EPHA8: variants seen among roughly 807,000 people sequenced by gnomAD.
EPHA8 encodes the protein EPH receptor A8.
A neutral mutation model predicts 103.6 loss-of-function variants in EPHA8; 58 were observed. The ratio of observed to expected loss-of-function variants is 0.56; its 90% CI spans 0.45 to 0.70. The LOEUF (loss-of-function observed/expected upper bound fraction) is 0.70, where lower values mean the gene tolerates loss of function less well. EPHA8 is among the 30% of genes least tolerant of loss of function. The probability of loss-of-function intolerance (pLI) is 0.00; values close to 1 mark genes in which losing one functional copy is unlikely to be tolerated. For synonymous variants in EPHA8, 559 were observed against 572.5 expected (o/e 0.98, Z 0.34); for missense variants, 1,304 against 1,395.2 (o/e 0.93, Z 1.04).
At chr1:22,583,540 C>T (rs1382077750) in intron 3 of EPHA8, among the ~76,000 whole-genome samples, 1 of 152,172 alleles carries the variant, frequency 6.6e-6, no homozygotes, top group Non-Finnish European at 1.5e-5. Flanking sequence ...ATTCAGGCTC[C>T]CTGAGCCTCT....
At chr1:22,566,554 A>G (rs1640364458) in intron 1 of EPHA8, among the ~76,000 whole-genome samples, 1 of 152,182 alleles carries the variant, frequency 6.6e-6, no homozygotes, top group African/African-American at 2.4e-5. Context: ...TCAGATAAGG[A>G]AACTGAGGCA....
intron 1 of EPHA8, among the ~76,000 whole-genome samples, chr1:22,568,728 G>A (rs1640440802): frequency 6.6e-6 from 1 of 152,244 alleles, no homozygotes; most frequent in Non-Finnish European, 1.5e-5. Context: ...ACCGTGCTGG[G>A]GGAACAGGGT....
chr1:22,593,821 AG>A, intron 7 of EPHA8, 135 bp downstream of exon 7: 1 of 1,123,026 alleles, frequency 8.9e-7, no homozygotes, highest in Non-Finnish European at 1.2e-6. Flanking sequence ...TGCCCTACCA[AG>A]TGGGGTTGTC....
chr1:22,572,897 C>G (rs1640582583), intron 2 of EPHA8, among the ~76,000 whole-genome samples: 1 of 152,234 alleles, frequency 6.6e-6, no homozygotes, highest in Admixed American at 6.5e-5. Flanking sequence ...CTGTGCCACT[C>G]TGGGCATCAG....
In EPHA8 at chr1:22,576,545, G is replaced by C. The variant is rs757202575; in HGVS notation, c.488G>C (p.Arg163Pro). ...ACAGGTGCCGACCTTGGTGTGCGGCGTCTCAAGCTCAACACGGAGGTGCGC... is the reference window on the plus strand; with the variant it reads ...ACAGGTGCCGACCTTGGTGTGCGGCCTCTCAAGCTCAACACGGAGGTGCGC... Reference protein sequence around the residue: ...SFTGADLGVRRLKLNTEVRSV... With the variant: ...SFTGADLGVRPLKLNTEVRSV... Residue 163 changes from arginine to proline, a missense_variant, in exon 3 of 17, where the codon CGT becomes CCT. Physicochemically the swap from Arg to Pro is moderately radical, Grantham distance 103. Coordinates refer to ENST00000166244, the MANE Select transcript of EPHA8 (RefSeq NM_020526.5). The surrounding 1 kb of genome is among the most constrained non-coding windows in gnomAD (Gnocchi z 4.8). 2 of 1,614,058 alleles carry C rather than the reference G, an allele frequency of 1.2e-6. No homozygotes were observed. The highest frequency in any genetic ancestry group is 1.7e-6 in the Non-Finnish European group (2 of 1,180,054).
intron 5 of EPHA8, among the ~76,000 whole-genome samples, chr1:22,592,813 T>A (rs1641408244): frequency 8.2e-6 from 1 of 121,272 alleles, no homozygotes; most frequent in Non-Finnish European, 1.6e-5. Context: ...GAGAGATGCA[T>A]GAAGAAAGGC....
At chr1:22,570,644 G>A (rs773381569) in intron 2 of EPHA8, among the ~76,000 whole-genome samples, 3 of 152,010 alleles carry the variant, frequency 2.0e-5, no homozygotes, top group Non-Finnish European at 4.4e-5. Context: ...CTCTCTCTCT[G>A]GGGGTCTGGT....
At chr1:22,587,390 CGT>C (rs368238363) in intron 4 of EPHA8, among the ~76,000 whole-genome samples, 2 of 152,092 alleles carry the variant, frequency 1.3e-5, no homozygotes, top group Non-Finnish European at 2.9e-5. Flanking sequence ...GAGCTCAGCA[CGT>C]GTGTGTGTGC....
In EPHA8 at chr1:22,589,937, A is replaced by C. The variant is rs1275168430; in HGVS notation, c.1315+731A>C. Among the ~76,000 whole-genome samples the C allele has an allele frequency of 6.6e-6, 1 of 151,984 alleles. No homozygotes were observed. Among genetic ancestry groups the C allele is most frequent in the Non-Finnish European group, 1.5e-5 (1 of 67,982 alleles). On this transcript the variant is annotated intron_variant, in intron 5 of 16. Transcript: ENST00000166244. This position sits in a 1 kb window ranked among gnomAD's most constrained non-coding sequence, Gnocchi z 4.3. The stretch of plus-strand genomic sequence containing the variant: ...TCGCAGACAATATGCCCACCACGTC[A>C]CAGAGGAAGAAACTGAGGCCTGGAG...
intron 2 of EPHA8, among the ~76,000 whole-genome samples, chr1:22,571,627 A>C (rs1448217101): frequency 6.6e-6 from 1 of 152,108 alleles, no homozygotes; most frequent in East Asian, 1.9e-4. Context: ...CGGAGAGGAG[A>C]GAAGGCTGGA....
rs972528116 is a variant in EPHA8 at position 22,576,161 on chromosome 1, C to T, written c.160-56C>T. 1 of 1,542,286 alleles carries T rather than the reference C, an allele frequency of 6.5e-7. No homozygotes were observed. The highest frequency in any genetic ancestry group is 8.8e-7 in the Non-Finnish European group (1 of 1,141,428). On this transcript the variant is annotated intron_variant, in intron 2 of 16. Coordinates refer to ENST00000166244, the MANE Select transcript of EPHA8 (RefSeq NM_020526.5). This position sits in a 1 kb window ranked among gnomAD's most constrained non-coding sequence, Gnocchi z 4.8. ...CCAGCACAGAACACAGGGTCATTGG[C>T]AAAAGAGGGTGAGGTGCTGGCTCTG...
At position 22,588,991 on chromosome 1, in the gene EPHA8, G is replaced by A. The variant is rs755985438; in HGVS notation, c.1100G>A (p.Arg367His). 19 of 1,613,078 alleles carry A rather than the reference G, an allele frequency of 1.2e-5. No homozygotes were observed. The highest frequency in any genetic ancestry group is 1.6e-4 in the Middle Eastern group (1 of 6,084). Residue 367 changes from arginine to histidine, a missense_variant, in exon 5 of 17, where the codon CGC becomes CAC. Transcript: ENST00000166244. ...RSDITYNAVCRRCPWALSRCE... is the reference protein window; with the variant it reads ...RSDITYNAVCHRCPWALSRCE... The stretch of plus-strand genomic sequence containing the variant: ...GACATCACCTACAATGCCGTGTGCC[G>A]CCGCTGCCCCTGGGCACTGAGCCGC...
chr1:22,595,195 G>A (rs760223527), intron 7 of EPHA8, 35 bp from the exon 8 acceptor site: 11 of 1,571,900 alleles, frequency 7.0e-6, no homozygotes, highest in Admixed American at 6.8e-5. Context: ...CCAGGGCTGA[G>A]AGCCTGGTCC....
chr1:22,597,971 T>C lies in EPHA8; in HGVS notation c.2116+110T>C, dbSNP rs12404556. ...CTCTGCCCCACCTGACCCTGTCCTC[T>C]TGGTTCAGGTCCCTGAATGACTCGG... On this transcript the variant is annotated intron_variant, in intron 11 of 16. Coordinates refer to ENST00000166244, the MANE Select transcript of EPHA8 (RefSeq NM_020526.5). The surrounding 1 kb of genome is among the most constrained non-coding windows in gnomAD (Gnocchi z 4.6). 282,905 of 1,471,580 alleles carry C rather than the reference T, an allele frequency of 0.19. 28,216 individuals carry two copies. Among genetic ancestry groups the C allele is most frequent in the Admixed American group, 0.31 (15,438 of 49,688 alleles). The allele number at this position is 1,471,580 out of a possible 1,614,324, so 91.2% of individuals were successfully genotyped here. A position where few individuals can be genotyped will look rare whatever the true frequency, so the allele number is the denominator to read the frequency against.
chr1:22,591,730 C>A (rs557107528), intron 5 of EPHA8, among the ~76,000 whole-genome samples: 1 of 152,156 alleles, frequency 6.6e-6, no homozygotes, highest in Non-Finnish European at 1.5e-5. Context: ...CCTCCTTGAA[C>A]ACACTGGGTC....
rs1167659189 is a variant in EPHA8 at position 22,586,631 on chromosome 1, C to T, written c.975C>T (p.Cys325=). The change falls in exon 4 of 17, where the codon TGC becomes TGT. Residue 325 remains cysteine (C), a synonymous_variant. Coordinates refer to ENST00000166244, the MANE Select transcript of EPHA8 (RefSeq NM_020526.5). ...RAALDPPSSA[C]TRPPSAPVNL... ...CCCTGGACCCGCCGTCCTCAGCCTG[C>T]ACCCGTGAGTACCACTCCGAGATGC... is the stretch of plus-strand genomic sequence containing the variant. 6.2e-7 allele frequency: 1 copy of T among 1,613,812 alleles called. No homozygotes were observed. The highest frequency in any genetic ancestry group is 8.5e-7 in the Non-Finnish European group (1 of 1,179,870).
chr1:22,586,768 G>A (rs1022769220), intron 4 of EPHA8, 133 bp downstream of exon 4: 4 of 1,132,338 alleles, frequency 3.5e-6, no homozygotes, highest in African/African-American at 4.0e-5. Flanking sequence ...TGAGCCAGAG[G>A]CCAGTCTGAG....
At position 22,593,349 on chromosome 1, in the gene EPHA8, C is replaced by A; in HGVS notation, c.1339C>A (p.Arg447Ser). The change falls in exon 6 of 17, where the codon CGT (arginine) becomes AGT (serine). Residue 447 changes from arginine to serine, a missense_variant. Arg to Ser is a moderately radical substitution (Grantham distance 110, BLOSUM62 -1). Transcript: ENST00000166244. Reference protein sequence around the residue: ...QAAPSQVVVIRQERAGQTSVS... With the variant: ...QAAPSQVVVISQERAGQTSVS... ...AGCCCCGTCCCAGGTGGTGGTGATC[C>A]GTCAAGAGCGGGCGGGGCAGACCAG... 1 of 1,577,728 alleles carries A rather than the reference C, an allele frequency of 6.3e-7. No homozygotes were observed. The highest frequency in any genetic ancestry group is 1.3e-5 in the African/African-American group (1 of 74,644).
In EPHA8 at chr1:22,593,683, C is replaced by T; in HGVS notation, c.1600C>T (p.Pro534Ser). ...SQAMEVETGKPRPRYDTRTIV... is the reference protein window; with the variant it reads ...SQAMEVETGKSRPRYDTRTIV... The stretch of plus-strand genomic sequence containing the variant: ...GGCCATGGAGGTGGAGACCGGGAAA[C>T]CCCGTGAGTGCAGGGAGGGGGCGTG... Residue 534 changes from proline (P) to serine (S), a missense_variant, in exon 7 of 17, where the codon CCC (proline) becomes TCC (serine). Transcript: ENST00000166244. The T allele has an allele frequency of 6.3e-7, 1 of 1,592,512 alleles. No individual in the cohort carries two copies. The highest frequency in any genetic ancestry group is 8.6e-7 in the Non-Finnish European group (1 of 1,169,522).
Sources: gnomAD v4.1 joint callset for allele counts (sites outside exome capture counted in the v4.1 genomes callset) on GRCh38, gnomAD v4.1.1 for gene constraint, Gnocchi (gnomAD v3.1) non-coding constraint, MANE v1.5 for transcripts, NCBI Gene and HGNC (gene_info 2026-07-23, HGNC 2026-07-21) for gene names.